The following MGAM2 variants were observed in gnomAD, a reference collection of about 807,000 sequenced individuals.
MGAM2 encodes maltase-glucoamylase 2 (putative).
MGAM2 carries 98 observed loss-of-function variants against 96.1 expected under a neutral mutation model. The observed-to-expected ratio is 1.02, with a 90% CI of 0.87 to 1.21. MGAM2 has a LOEUF of 1.21. Among genes scored for constraint, MGAM2 ranks in the 50% most tolerant of loss-of-function variants. MGAM2 has a pLI of 0.00. For missense variants in MGAM2, 2,055 were observed against 1,182.4 expected (o/e 1.74, Z -10.82); for synonymous variants, 749 against 414.8 (o/e 1.81, Z -9.79).
Position 142,159,992 on chromosome 7 carries a change from G to T in MGAM2, c.2221-142G>T, listed in dbSNP as rs1585174001. 4.8e-5 allele frequency: 28 copies of T among 578,486 alleles called. No homozygotes were observed. In the East Asian group the frequency reaches 7.7e-4, roughly 16 times the overall value. 35.8% of individuals were successfully genotyped at this position (578,486 alleles called of 1,614,324 possible). ...CAGCTCTGCCCTCTACTACCCATAT[G>T]CTTTCAGCAAGTCACTTCACTTTGG... On this transcript the variant is annotated intron_variant, in intron 20 of 47. Coordinates refer to ENST00000477922, the MANE Select transcript of MGAM2 (RefSeq NM_001293626.2).
Position 142,197,642 on chromosome 7 carries a change from A to G in MGAM2, c.4782-2A>G. On this transcript the variant is annotated splice_acceptor_variant, in intron 41 of 47. Coordinates refer to ENST00000477922, the MANE Select transcript of MGAM2 (RefSeq NM_001293626.2). LOFTEE classifies it high-confidence loss of function. ...TGAATTTTTCCTGTTTATTTTTTTA[A>G]GGTTTACGGATGACAGGACAACATG... 1.4e-6 allele frequency: 1 copy of G among 702,900 alleles called. No homozygotes were observed. The highest frequency in any genetic ancestry group is 2.6e-6 in the Non-Finnish European group (1 of 385,000). 43.5% of individuals were successfully genotyped at this position (702,900 alleles called of 1,614,324 possible). A position where few individuals can be genotyped will look rare whatever the true frequency, so the allele number is the denominator to read the frequency against.
chr7:142,125,074 A>G (rs1794696988), intron 3 of MGAM2, among the ~76,000 whole-genome samples: 1 of 152,132 alleles, frequency 6.6e-6, no homozygotes, highest in African/African-American at 2.4e-5. Flanking sequence ...TAAATTGTCA[A>G]TATAGTTTGA....
intron 30 of MGAM2, among the ~76,000 whole-genome samples, 165 bp downstream of exon 30, chr7:142,172,929 C>T (rs1183567244): frequency 6.6e-6 from 1 of 152,074 alleles, no homozygotes; most frequent in African/African-American, 2.4e-5. Context: ...TTCTATAAAG[C>T]CATATTAATA....
At chr7:142,128,191 A>G (rs775092453) in intron 3 of MGAM2, among the ~76,000 whole-genome samples, 32 of 152,314 alleles carry the variant, frequency 2.1e-4, no homozygotes, top group Non-Finnish European at 4.6e-4. Context: ...GGTATCTGGC[A>G]GAAGAAATTT....
intron 2 of MGAM2, among the ~76,000 whole-genome samples, chr7:142,118,115 C>A (rs996260840): frequency 6.6e-6 from 1 of 152,138 alleles, no homozygotes; most frequent in African/African-American, 2.4e-5. Flanking sequence ...ATTTCTGGAA[C>A]TTATTCATCT....
intron 14 of MGAM2, among the ~76,000 whole-genome samples, chr7:142,146,142 G>GTTTTTT (rs71166565): frequency 1.8e-5 from 2 of 108,968 alleles, no homozygotes; most frequent in African/African-American, 3.5e-5. Context: ...AGTTTATCAT[G>GTTTTTT]TTTTTTTTTT....
chr7:142,180,774 T>C (rs1796513852), intron 32 of MGAM2, among the ~76,000 whole-genome samples: 1 of 152,200 alleles, frequency 6.6e-6, no homozygotes. Context: ...ACTGGGTTGT[T>C]TAGAAGGGAC....
chr7:142,131,797 A>T (rs980469715), intron 5 of MGAM2, 134 bp from the exon 6 acceptor site: 4 of 611,386 alleles, frequency 6.5e-6, no homozygotes, highest in Non-Finnish European at 8.7e-6. Flanking sequence ...GTGATTTCAC[A>T]AATCAGAAGC....
chr7:142,150,397 C>T (rs1346980159), intron 15 of MGAM2, among the ~76,000 whole-genome samples: 1 of 152,140 alleles, frequency 6.6e-6, no homozygotes, highest in Non-Finnish European at 1.5e-5. Context: ...ATTTCTGTAA[C>T]CACCTCCATT....
At chr7:142,211,802 C>A (rs1318818549) in intron 46 of MGAM2, among the ~76,000 whole-genome samples, 2 of 152,130 alleles carry the variant, frequency 1.3e-5, no homozygotes, top group South Asian at 2.1e-4. Flanking sequence ...TCCAACCTAG[C>A]AAGACAGGCC....
Position 142,172,172 on chromosome 7 carries a change from C to T in MGAM2, c.3426C>T (p.Leu1142=). Residue 1142 remains leucine, a synonymous_variant, in exon 29 of 48, where the codon CTC becomes CTT. Coordinates refer to ENST00000477922, the MANE Select transcript of MGAM2 (RefSeq NM_001293626.2). ...LEEDGSAHGV[L]LLNSNAMDVT... is the part of the protein sequence containing the mutation. ...AGGATGGTAGTGCCCATGGAGTGCT[C>T]CTGCTAAATAGCAATGCCATGGGTA... 1 of 719,862 alleles carries T rather than the reference C, an allele frequency of 1.4e-6. No homozygotes were observed. The allele number at this position is 719,862 out of a possible 1,614,324, so 44.6% of individuals were successfully genotyped here.
At chr7:142,154,944 A>T in intron 17 of MGAM2, 99 bp downstream of exon 17, 1 of 658,062 alleles carries the variant, frequency 1.5e-6, no homozygotes, top group South Asian at 1.7e-5. Context: ...GTTGGCACTA[A>T]CTGCAGCAGA....
intron 32 of MGAM2, 117 bp downstream of exon 32, chr7:142,175,897 T>G: frequency 2.1e-6 from 1 of 467,446 alleles, no homozygotes; most frequent in Non-Finnish European, 3.8e-6. Context: ...CTCTGTACTT[T>G]TTGTTTTGTT....
intron 33 of MGAM2, among the ~76,000 whole-genome samples, chr7:142,184,017 G>A: frequency 8.3e-6 from 1 of 120,850 alleles, no homozygotes; most frequent in African/African-American, 3.0e-5. Flanking sequence ...CTGTTACCCA[G>A]GCTGGAGTGC....
Position 142,171,398 on chromosome 7 carries a change from CT to C in MGAM2, c.3310del (p.Trp1104GlyfsTer41). On this transcript the variant is annotated frameshift_variant, in exon 28 of 48. Coordinates refer to ENST00000477922, the MANE Select transcript of MGAM2 (RefSeq NM_001293626.2). LOFTEE classifies it high-confidence loss of function. Reference sequence around the variant, plus strand: ...ACACGACTTTCAGAAGAAACATGAACTGGAACACATGGGGAATGTTTGCTCA... The same window carrying C: ...ACACGACTTTCAGAAGAAACATGAACGGAACACATGGGGAATGTTTGCTCA... Reference protein sequence around the residue: ...EHTTFRRNMNWNTWGMFAHDE... With the variant: ...EHTTFRRNMNXNTWGMFAHDE... The C allele has an allele frequency of 2.8e-6, 2 of 703,172 alleles. No individual in the cohort carries two copies. Among genetic ancestry groups the C allele is most frequent in the Non-Finnish European group, 5.2e-6 (2 of 384,924 alleles). 43.6% of individuals were successfully genotyped at this position (703,172 alleles called of 1,614,324 possible).
chr7:142,147,928 A>G (rs13229010), intron 15 of MGAM2, among the ~76,000 whole-genome samples: 72,620 of 151,940 alleles, frequency 0.48, 18,048 homozygotes, highest in Admixed American at 0.57. Flanking sequence ...ACCAAATTAA[A>G]TTTGTGTGGG....
intron 46 of MGAM2, among the ~76,000 whole-genome samples, chr7:142,214,169 G>A (rs1184615492): frequency 6.6e-6 from 1 of 152,096 alleles, no homozygotes; most frequent in Non-Finnish European, 1.5e-5. Flanking sequence ...AAAATAATAT[G>A]AGCTATTTAT....
intron 35 of MGAM2, among the ~76,000 whole-genome samples, chr7:142,186,927 GA>G (rs1273762760): frequency 6.6e-6 from 1 of 151,536 alleles, no homozygotes; most frequent in Admixed American, 6.6e-5. Context: ...GCAGCTTTGA[GA>G]ATAAGAGATG....
At chr7:142,125,915 C>T (rs763914976) in intron 3 of MGAM2, among the ~76,000 whole-genome samples, 16 of 150,660 alleles carry the variant, frequency 1.1e-4, no homozygotes, top group Non-Finnish European at 1.9e-4. Context: ...TGTTTCCTGT[C>T]TATCTCCAAA....
Sources: allele counts gnomAD v4.1 joint callset (sites outside exome capture counted in the v4.1 genomes callset), GRCh38; gene constraint gnomAD v4.1.1; transcripts MANE v1.5; gene names NCBI Gene and HGNC (gene_info 2026-07-23, HGNC 2026-07-21).